Variants in CSMD1 observed in about 807,000 individuals in gnomAD.
The protein encoded by CSMD1 is CUB and Sushi multiple domains 1, also known as CUB and sushi domain-containing protein 1.
Under a neutral mutation model 417.5 loss-of-function variants are expected in CSMD1, and 213 were observed. The observed-to-expected ratio is 0.51, with a 90% CI of 0.46 to 0.57. The LOEUF (loss-of-function observed/expected upper bound fraction) is 0.57, where lower values mean the gene tolerates loss of function less well. Among genes scored for constraint, CSMD1 ranks in the 20% least tolerant of loss-of-function variants. The pLI is 0.00. For missense variants in CSMD1, 6,923 were observed against 4,529.7 expected, an observed-to-expected ratio of 1.53 and a Z score of -15.17; for synonymous variants, 2,862 against 1,736.8, an observed-to-expected ratio of 1.65 and a Z score of -16.11.
chr8:3,057,970 A>C (rs1268836226), intron 49 of CSMD1, among the ~76,000 whole-genome samples: 1 of 152,178 alleles, frequency 6.6e-6, no homozygotes, highest in Non-Finnish European at 1.5e-5. Context: ...CCGCCTGGCC[A>C]GCAGACCCTC....
chr8:4,450,187 G>C (rs560354780), intron 2 of CSMD1, among the ~76,000 whole-genome samples: 2 of 152,166 alleles, frequency 1.3e-5, no homozygotes, highest in Non-Finnish European at 2.9e-5. Flanking sequence ...ACCGAACTGG[G>C]CAACAATTGA....
At chr8:4,662,440 C>T (rs1804664066) in intron 1 of CSMD1, among the ~76,000 whole-genome samples, 1 of 152,104 alleles carries the variant, frequency 6.6e-6, no homozygotes, top group African/African-American at 2.4e-5. Context: ...CTTTTAATAA[C>T]ACTAATTTCT....
intron 10 of CSMD1, among the ~76,000 whole-genome samples, chr8:3,572,017 G>C (rs1043740163): frequency 6.6e-6 from 1 of 152,192 alleles, no homozygotes; most frequent in African/African-American, 2.4e-5. Context: ...GACTTCAAAA[G>C]ACGCGAAAGA....
chr8:4,060,848 G>C (rs1482880623), intron 3 of CSMD1, among the ~76,000 whole-genome samples: 1 of 152,106 alleles, frequency 6.6e-6, no homozygotes, highest in Non-Finnish European at 1.5e-5. Flanking sequence ...ATCATGTAAG[G>C]TTAGATGACC....
intron 10 of CSMD1, among the ~76,000 whole-genome samples, chr8:3,517,059 G>T (rs1004029337): frequency 5.3e-5 from 8 of 152,166 alleles, no homozygotes; most frequent in African/African-American, 1.7e-4. Flanking sequence ...GGGGACACTG[G>T]AACCGACAGC....
At chr8:3,766,470 G>C (rs757273082) in intron 5 of CSMD1, among the ~76,000 whole-genome samples, 1 of 152,084 alleles carries the variant, frequency 6.6e-6, no homozygotes, top group Non-Finnish European at 1.5e-5. Flanking sequence ...TCTCAGGCTT[G>C]CCAACACGAA....
intron 5 of CSMD1, among the ~76,000 whole-genome samples, chr8:3,927,303 GA>G (rs1481475343): frequency 6.6e-6 from 1 of 151,888 alleles, no homozygotes; most frequent in Non-Finnish European, 1.5e-5. Flanking sequence ...CAGACAGCAT[GA>G]AAATTATTCT....
intron 10 of CSMD1, among the ~76,000 whole-genome samples, chr8:3,512,396 C>T (rs1797113352): frequency 6.6e-6 from 1 of 152,076 alleles, no homozygotes; most frequent in South Asian, 2.1e-4. Flanking sequence ...TGTCTCTCCC[C>T]ATAGACAGGC....
At chr8:3,394,280 T>G (rs1177343246) in intron 17 of CSMD1, among the ~76,000 whole-genome samples, 1 of 147,314 alleles carries the variant, frequency 6.8e-6, no homozygotes, top group Non-Finnish European at 1.5e-5. Context: ...CCATATTTTA[T>G]AATAATAAAA....
chr8:3,057,829 G>A (rs77841235), intron 49 of CSMD1, among the ~76,000 whole-genome samples: 2,553 of 152,212 alleles, frequency 0.017, 40 homozygotes, highest in Middle Eastern at 0.037. Flanking sequence ...AGTCTTCACT[G>A]AAGTTTTCAT....
intron 37 of CSMD1, among the ~76,000 whole-genome samples, chr8:3,167,162 G>A (rs974939616): frequency 6.6e-6 from 1 of 152,132 alleles, no homozygotes; most frequent in Non-Finnish European, 1.5e-5. Flanking sequence ...GCATGTGCCT[G>A]TAATCGCAGG....
intron 4 of CSMD1, among the ~76,000 whole-genome samples, chr8:4,021,264 T>A (rs916816803): frequency 2.0e-5 from 3 of 152,232 alleles, no homozygotes; most frequent in African/African-American, 7.2e-5. Flanking sequence ...ACAGTTTACA[T>A]TAATTCTGCA....
rs1455885651 is a variant in CSMD1, at chr8:4,435,850, C to T, written c.303-15785G>A. On this transcript the variant is annotated intron_variant, in intron 2 of 69. Coordinates refer to ENST00000635120, the MANE Select transcript of CSMD1 (RefSeq NM_033225.6). ...CAGGGTGTGTGACTCCAAAGCTCAC[C>T]TTCCAAGTATTAGGACTGTGTGACC... Among the ~76,000 whole-genome samples the T allele has an allele frequency of 3.9e-5, 6 of 152,288 alleles. No individual in the cohort carries two copies. In the East Asian group the frequency reaches 1.2e-3, roughly 29 times the overall value.
chr8:4,784,180 G>C (rs892334382), intron 1 of CSMD1, among the ~76,000 whole-genome samples: 2 of 152,174 alleles, frequency 1.3e-5, no homozygotes, highest in Non-Finnish European at 2.9e-5. Context: ...GTAAAAGTTT[G>C]TTCTTACAAA....
chr8:4,205,189 T>C (rs1799904105), intron 3 of CSMD1, among the ~76,000 whole-genome samples: 1 of 152,250 alleles, frequency 6.6e-6, no homozygotes, highest in African/African-American at 2.4e-5. Context: ...ACATCTGATT[T>C]AAATAATAGC....
chr8:2,952,345 C>G (rs1414430070), intron 65 of CSMD1, among the ~76,000 whole-genome samples: 1 of 152,106 alleles, frequency 6.6e-6, no homozygotes, highest in Admixed American at 6.6e-5. Flanking sequence ...TGTTCCTATA[C>G]CCATGCTTTT....
intron 5 of CSMD1, among the ~76,000 whole-genome samples, chr8:3,789,683 G>C (rs906145201): frequency 7.1e-6 from 1 of 141,758 alleles, no homozygotes; most frequent in African/African-American, 2.6e-5. Flanking sequence ...GTATGACCTT[G>C]TTTATTTAGT....
At chr8:3,517,756 G>A (rs1361157265) in intron 10 of CSMD1, among the ~76,000 whole-genome samples, 1 of 152,066 alleles carries the variant, frequency 6.6e-6, no homozygotes, top group Non-Finnish European at 1.5e-5. Flanking sequence ...TTAAAATGAA[G>A]AATTCAAGGC....
intron 39 of CSMD1, among the ~76,000 whole-genome samples, chr8:3,156,986 C>CAAAAAAA (rs869173951): frequency 1.6e-5 from 1 of 64,446 alleles, no homozygotes; most frequent in Non-Finnish European, 3.3e-5. Context: ...GTTGTTTAGA[C>CAAAAAAA]AAAAAAAAAA....
Sources: allele counts gnomAD v4.1 joint callset (sites outside exome capture counted in the v4.1 genomes callset), GRCh38; gene constraint gnomAD v4.1.1; transcripts MANE v1.5; gene names NCBI Gene and HGNC (gene_info 2026-07-23, HGNC 2026-07-21).